Variants in GPM6A observed in about 807,000 individuals in gnomAD.
The protein encoded by GPM6A is glycoprotein M6A.
In GPM6A, 7 loss-of-function variants were observed where a neutral mutation model predicts 32.1. That is an observed-to-expected ratio of 0.22 (90% CI 0.12 to 0.41). The LOEUF is 0.41. GPM6A is among the 10% of genes least tolerant of loss of function. GPM6A has a pLI of 1.00. For synonymous variants in GPM6A, 130 were observed against 123.4 expected (o/e 1.05, Z -0.35); for missense variants, 235 against 347.2 (o/e 0.68, Z 2.57).
At chr4:175,658,484 A>C (rs1036517581) in intron 3 of GPM6A, among the ~76,000 whole-genome samples, 2 of 152,156 alleles carry the variant, frequency 1.3e-5, no homozygotes, top group African/African-American at 4.8e-5. Flanking sequence ...TTCTGTATGA[A>C]AGTATAATGG....
chr4:175,750,880 C>G (rs888529706), intron 1 of GPM6A, among the ~76,000 whole-genome samples: 7 of 152,114 alleles, frequency 4.6e-5, no homozygotes, highest in Non-Finnish European at 1.0e-4. Context: ...GGCTATTTTA[C>G]TACAGCCTCC....
intron 1 of GPM6A, among the ~76,000 whole-genome samples, chr4:175,901,510 T>TA (rs1553999863): frequency 1.4e-4 from 21 of 151,770 alleles, no homozygotes; most frequent in Non-Finnish European, 2.1e-4. Context: ...TTAAAAAGAA[T>TA]TAAACACCAA....
rs1446932477 is a variant in GPM6A, at chr4:175,726,053, C to T, written c.38-24286G>A. On this transcript the variant is annotated intron_variant, in intron 1 of 6. Coordinates refer to ENST00000393658, the MANE Select transcript of GPM6A (RefSeq NM_201591.3). The stretch of plus-strand genomic sequence containing the variant: ...TGTTGTCCAGGCTGGAGTGCAGTGG[C>T]GCGATCTCGGCTCACTGCAAGCTTC... Among the ~76,000 whole-genome samples, 8 of 135,696 alleles carry T rather than the reference C, an allele frequency of 5.9e-5. No individual in the cohort carries two copies. In the South Asian group the frequency reaches 7.0e-4, roughly 12 times the overall value. The allele number at this position is 135,696 out of a possible 152,430, so 89.0% of individuals were successfully genotyped here. A position where few individuals can be genotyped will look rare whatever the true frequency, so the allele number is the denominator to read the frequency against.
intron 1 of GPM6A, among the ~76,000 whole-genome samples, chr4:175,856,453 C>G (rs1407675986): frequency 2.6e-5 from 4 of 152,216 alleles, no homozygotes; most frequent in Non-Finnish European, 5.9e-5. Context: ...GCAGCAGCAT[C>G]TAGGGGTTGC....
At chr4:175,719,712 TAGAG>T (rs892505259) in intron 1 of GPM6A, among the ~76,000 whole-genome samples, 6 of 152,142 alleles carry the variant, frequency 3.9e-5, no homozygotes, top group Admixed American at 3.9e-4. Flanking sequence ...CATTTGGAAA[TAGAG>T]AGACAAATGG....
intron 1 of GPM6A, among the ~76,000 whole-genome samples, chr4:175,966,123 C>T (rs1056553293): frequency 5.9e-5 from 9 of 152,014 alleles, no homozygotes; most frequent in Admixed American, 2.0e-4. Context: ...TTTATATTTT[C>T]AGGCTTGTTG....
At chr4:175,717,257 C>T (rs1745887765) in intron 1 of GPM6A, among the ~76,000 whole-genome samples, 1 of 152,178 alleles carries the variant, frequency 6.6e-6, no homozygotes, top group African/African-American at 2.4e-5. Context: ...CTCCTTCCTG[C>T]TTACAGCTTA....
intron 1 of GPM6A, among the ~76,000 whole-genome samples, chr4:175,879,860 A>T (rs1737212354): frequency 6.6e-6 from 1 of 152,220 alleles, no homozygotes; most frequent in Admixed American, 6.5e-5. Context: ...ATAAAATAAT[A>T]TTGAAAAAGC....
chr4:175,736,290 A>G (rs1283448710), intron 1 of GPM6A, among the ~76,000 whole-genome samples: 1 of 152,222 alleles, frequency 6.6e-6, no homozygotes, highest in Non-Finnish European at 1.5e-5. Flanking sequence ...CACTGGGATT[A>G]TAGCGCGACC....
chr4:175,887,881 G>C (rs1378264932), intron 1 of GPM6A, among the ~76,000 whole-genome samples: 3 of 151,780 alleles, frequency 2.0e-5, no homozygotes, highest in African/African-American at 7.2e-5. Context: ...GCCAGGCCCA[G>C]ATATTATTAA....
intron 1 of GPM6A, among the ~76,000 whole-genome samples, chr4:175,904,368 A>G (rs1375139739): frequency 6.6e-6 from 1 of 152,160 alleles, no homozygotes; most frequent in Non-Finnish European, 1.5e-5. Flanking sequence ...AGCTAACATA[A>G]AAGATATTTG....
At chr4:175,873,278 G>T (rs1487025095) in intron 1 of GPM6A, among the ~76,000 whole-genome samples, 1 of 151,146 alleles carries the variant, frequency 6.6e-6, no homozygotes, top group Non-Finnish European at 1.5e-5. Context: ...CTAATTTTAG[G>T]TCTAGAAAAT....
intron 1 of GPM6A, among the ~76,000 whole-genome samples, chr4:175,962,990 G>A (rs1332776428): frequency 6.6e-6 from 1 of 151,820 alleles, no homozygotes; most frequent in Admixed American, 6.6e-5. Context: ...AAAATCTAAA[G>A]AGTGCTAGAA....
At chr4:175,884,489 T>G (rs947458777) in intron 1 of GPM6A, among the ~76,000 whole-genome samples, 1 of 152,098 alleles carries the variant, frequency 6.6e-6, no homozygotes. Context: ...AATCCAACAT[T>G]TGAACTCATA....
At chr4:175,663,743 G>T (rs1742570289) in intron 3 of GPM6A, among the ~76,000 whole-genome samples, 1 of 150,206 alleles carries the variant, frequency 6.7e-6, no homozygotes, top group Non-Finnish European at 1.5e-5. Context: ...GCCCAGGCTG[G>T]AGTGCAGTGG....
intron 6 of GPM6A, among the ~76,000 whole-genome samples, chr4:175,637,082 CATATAAT>C (rs1560841350): frequency 3.5e-5 from 3 of 86,712 alleles, no homozygotes; most frequent in East Asian, 3.3e-4. Context: ...AAATATATAA[CATATAAT>C]ATATCATATA....
intron 1 of GPM6A, among the ~76,000 whole-genome samples, chr4:175,826,324 G>C (rs947202448): frequency 7.3e-6 from 1 of 137,178 alleles, no homozygotes; most frequent in Non-Finnish European, 1.6e-5. Context: ...CCCCTGCTCA[G>C]TGGCGTACAC....
chr4:175,982,045 C>T (rs533858739), intron 1 of GPM6A, among the ~76,000 whole-genome samples: 11 of 151,958 alleles, frequency 7.2e-5, no homozygotes, highest in Non-Finnish European at 1.3e-4. Context: ...GACTATTTGC[C>T]ACCTGTATAT....
chr4:175,636,481 G>A (rs1740621012), intron 6 of GPM6A, among the ~76,000 whole-genome samples: 1 of 150,714 alleles, frequency 6.6e-6, no homozygotes, highest in Non-Finnish European at 1.5e-5. Flanking sequence ...AGAAAATGTG[G>A]CCCCCAAATT....
Sources: allele counts gnomAD v4.1 joint callset (sites outside exome capture counted in the v4.1 genomes callset), GRCh38; gene constraint gnomAD v4.1.1; transcripts MANE v1.5; gene names NCBI Gene and HGNC (gene_info 2026-07-23, HGNC 2026-07-21).